RABEP1: variants seen among roughly 807,000 people sequenced by gnomAD.
The protein encoded by RABEP1 is rabaptin, RAB GTPase binding effector protein 1.
A neutral mutation model predicts 123.4 loss-of-function variants in RABEP1; 51 were observed. That is an observed-to-expected ratio of 0.41 (90% CI 0.33 to 0.52). The LOEUF (loss-of-function observed/expected upper bound fraction) is 0.52. RABEP1 is among the 20% of genes least tolerant of loss of function. The pLI, the probability that RABEP1 is intolerant of heterozygous loss-of-function variation, is 0.16. For synonymous variants in RABEP1, 347 were observed against 355.2 expected (o/e 0.98, Z 0.26); for missense variants, 888 against 996.3 (o/e 0.89, Z 1.46).
chr17:5,321,267 C>T (rs762059027), intron 2 of RABEP1, among the ~76,000 whole-genome samples: 4 of 152,134 alleles, frequency 2.6e-5, no homozygotes, highest in Non-Finnish European at 4.4e-5. Flanking sequence ...CAAACTGAGA[C>T]CCCATCTCTA....
intron 3 of RABEP1, among the ~76,000 whole-genome samples, chr17:5,333,958 G>A (rs1029666700): frequency 3.3e-5 from 5 of 151,978 alleles, no homozygotes; most frequent in East Asian, 1.9e-4. Context: ...TTAAAATTGC[G>A]CACATTGATT....
At chr17:5,322,279 G>A (rs1489373180) in intron 2 of RABEP1, among the ~76,000 whole-genome samples, 4 of 152,000 alleles carry the variant, frequency 2.6e-5, no homozygotes. Context: ...AATTCCTTGA[G>A]CCCAGGAGTT....
chr17:5,311,859 T>C (rs2075246496), intron 2 of RABEP1, among the ~76,000 whole-genome samples: 2 of 152,162 alleles, frequency 1.3e-5, no homozygotes, highest in South Asian at 2.1e-4. Context: ...TCAATTCTAT[T>C]GTAGTTTTAT....
intron 2 of RABEP1, among the ~76,000 whole-genome samples, chr17:5,320,435 A>AG (rs1377484734): frequency 1.3e-5 from 2 of 149,082 alleles, no homozygotes; most frequent in African/African-American, 2.5e-5. Flanking sequence ...AAAAAAAAAA[A>AG]AAAAAAAAAG....
chr17:5,371,292 A>T (rs1233429449), intron 12 of RABEP1: 1 of 151,942 alleles, frequency 6.6e-6, no homozygotes, highest in African/African-American at 2.4e-5. Flanking sequence ...ACATTTTCAG[A>T]TTTGATTTTT....
At chr17:5,374,297 A>G (rs984473742) in intron 13 of RABEP1, among the ~76,000 whole-genome samples, 2 of 151,668 alleles carry the variant, frequency 1.3e-5, no homozygotes, top group African/African-American at 4.9e-5. Context: ...TGAGCTCCTG[A>G]CCTCACGTGA....
rs758110927 is a variant in RABEP1 at position 5,377,271 on chromosome 17, G to C, written c.2181G>C (p.Leu727=). Reference sequence around the variant, plus strand: ...TAAAAGAAAATCTTGAAGAAACTCTGCAACTAGAAATAGAAAACTGCAAGG... The same window carrying C: ...TAAAAGAAAATCTTGAAGAAACTCTCCAACTAGAAATAGAAAACTGCAAGG... ...QCLKENLEET[L]QLEIENCKEE... Residue 727 remains leucine, a synonymous_variant, in exon 14 of 18, where the codon CTG becomes CTC. Transcript: ENST00000537505. 1 of 1,589,868 alleles carries C rather than the reference G, an allele frequency of 6.3e-7. No individual in the cohort carries two copies.
At chr17:5,370,285 T>C (rs1006409822) in intron 12 of RABEP1, among the ~76,000 whole-genome samples, 4 of 152,238 alleles carry the variant, frequency 2.6e-5, no homozygotes, top group South Asian at 2.1e-4. Flanking sequence ...TTTGGAGTTA[T>C]TGTAGACATG....
intron 3 of RABEP1, among the ~76,000 whole-genome samples, chr17:5,334,921 C>T (rs1175326270): frequency 1.3e-5 from 2 of 152,050 alleles, no homozygotes; most frequent in Non-Finnish European, 2.9e-5. Flanking sequence ...AAACATTGGC[C>T]AGACTATTTA....
In RABEP1 at chr17:5,383,983, C is replaced by T; in HGVS notation, c.*760C>T. 1 of 220,362 alleles carries T rather than the reference C, an allele frequency of 4.5e-6. No homozygotes were observed. Among genetic ancestry groups the T allele is most frequent in the Admixed American group, 5.8e-5 (1 of 17,366 alleles). 13.7% of individuals were successfully genotyped at this position (220,362 alleles called of 1,614,324 possible). A position where few individuals can be genotyped will look rare whatever the true frequency, so the allele number is the denominator to read the frequency against. On this transcript the variant is annotated 3_prime_UTR_variant, in exon 18 of 18. Coordinates refer to ENST00000537505, the MANE Select transcript of RABEP1 (RefSeq NM_004703.6). ...ATGATCTTCATGGGCCCACAGGGTA[C>T]CAGGATAAAGCCGAACTGGTACCAT...
chr17:5,288,543 G>A (rs575238771), intron 1 of RABEP1, among the ~76,000 whole-genome samples: 7 of 151,974 alleles, frequency 4.6e-5, no homozygotes, highest in African/African-American at 9.7e-5. Context: ...TTACAGGCAT[G>A]TGCTGCCATG....
chr17:5,321,964 C>T (rs993329843), intron 2 of RABEP1, among the ~76,000 whole-genome samples: 4 of 152,176 alleles, frequency 2.6e-5, no homozygotes, highest in African/African-American at 7.2e-5. Context: ...TTTGGGAGGC[C>T]AGGGCGGGTG....
chr17:5,306,623 G>C (rs1423407773), intron 1 of RABEP1, among the ~76,000 whole-genome samples: 3 of 117,956 alleles, frequency 2.5e-5, no homozygotes, highest in Non-Finnish European at 4.9e-5. Context: ...GTGAGACTCT[G>C]TCTGAAAAAA....
At chr17:5,339,285 G>A (rs1907367722) in intron 5 of RABEP1, among the ~76,000 whole-genome samples, 1 of 152,148 alleles carries the variant, frequency 6.6e-6, no homozygotes, top group Non-Finnish European at 1.5e-5. Flanking sequence ...TATCACATTG[G>A]ATTGTAAAAA....
intron 1 of RABEP1, among the ~76,000 whole-genome samples, chr17:5,299,876 C>T (rs1378437754): frequency 6.6e-6 from 1 of 151,340 alleles, no homozygotes; most frequent in South Asian, 2.1e-4. Flanking sequence ...ACTACAGGCT[C>T]CTGCCACCAT....
intron 1 of RABEP1, among the ~76,000 whole-genome samples, chr17:5,283,356 G>GA (rs1467293329): frequency 6.6e-6 from 1 of 151,872 alleles, no homozygotes; most frequent in East Asian, 1.9e-4. Context: ...TTCTTGGAAG[G>GA]AAAAAAGGGC....
intron 5 of RABEP1, among the ~76,000 whole-genome samples, chr17:5,344,065 G>T (rs1020440635): frequency 7.2e-5 from 11 of 152,200 alleles, no homozygotes; most frequent in African/African-American, 2.6e-4. Context: ...TTTGTTAAAA[G>T]ATACTATTAA....
At chr17:5,291,670 G>A (rs1368633822) in intron 1 of RABEP1, among the ~76,000 whole-genome samples, 1 of 152,108 alleles carries the variant, frequency 6.6e-6, no homozygotes, top group Non-Finnish European at 1.5e-5. Context: ...CTCTTTGGGA[G>A]TCTGAGGTAG....
chr17:5,288,426 C>T (rs868508180), intron 1 of RABEP1, among the ~76,000 whole-genome samples: 7 of 152,236 alleles, frequency 4.6e-5, no homozygotes, highest in Admixed American at 1.3e-4. Flanking sequence ...GATGGAATCT[C>T]GCTCAGTCGC....
Sources: allele counts gnomAD v4.1 joint callset (sites outside exome capture counted in the v4.1 genomes callset), GRCh38; gene constraint gnomAD v4.1.1; transcripts MANE v1.5; gene names NCBI Gene and HGNC (gene_info 2026-07-23, HGNC 2026-07-21).